SERPINE2: variants seen among roughly 807,000 people sequenced by gnomAD.
The protein encoded by SERPINE2 is serpin family E member 2.
SERPINE2 carries 14 observed loss-of-function variants against 36.3 expected under a neutral mutation model. The ratio of observed to expected loss-of-function variants is 0.39; its 90% CI spans 0.25 to 0.60. The LOEUF (loss-of-function observed/expected upper bound fraction) is 0.60. SERPINE2 is among the 20% of genes least tolerant of loss of function. The pLI, the probability that SERPINE2 is intolerant of heterozygous loss-of-function variation, is 0.57. For missense variants in SERPINE2, 418 were observed against 499.6 expected (o/e 0.84, Z 1.56); for synonymous variants, 192 against 191.8 (o/e 1.00, Z -0.01).
At chr2:224,023,192 T>A (rs960271339) in intron 1 of SERPINE2, among the ~76,000 whole-genome samples, 2 of 152,252 alleles carry the variant, frequency 1.3e-5, no homozygotes, top group African/African-American at 4.8e-5. Flanking sequence ...AAAGTCCTTA[T>A]TGGTCAGAGG....
chr2:223,995,860 C>T (rs1690866453), intron 3 of SERPINE2, among the ~76,000 whole-genome samples: 1 of 152,200 alleles, frequency 6.6e-6, no homozygotes, highest in African/African-American at 2.4e-5. Flanking sequence ...TTCTGAGACT[C>T]TGACTACTTT....
rs1002056915 is a variant in SERPINE2 at position 223,975,169 on chromosome 2, A to G, written c.*698T>C. 3 of 152,686 alleles carry G rather than the reference A, an allele frequency of 2.0e-5. No homozygotes were observed. The highest frequency in any genetic ancestry group is 1.9e-4 in the East Asian group (1 of 5,194). The allele number at this position is 152,686 out of a possible 1,614,324, so 9.5% of individuals were successfully genotyped here. On this transcript the variant is annotated 3_prime_UTR_variant, in exon 9 of 9. Coordinates refer to ENST00000409304, the MANE Select transcript of SERPINE2 (RefSeq NM_001136528.2). Reference sequence around the variant, plus strand: ...AGAAATAGCTTTATTTTTACTACTCATAACAGTTTATTTTTACTTTGTACA... The same window carrying G: ...AGAAATAGCTTTATTTTTACTACTCGTAACAGTTTATTTTTACTTTGTACA...
intron 4 of SERPINE2, among the ~76,000 whole-genome samples, chr2:223,990,408 C>T (rs1243266632): frequency 6.6e-6 from 1 of 152,098 alleles, no homozygotes; most frequent in Non-Finnish European, 1.5e-5. Context: ...CTGGGAATAG[C>T]CTGTTTACTC....
chr2:223,994,067 T>G (rs1005931560), intron 3 of SERPINE2, among the ~76,000 whole-genome samples: 1 of 152,218 alleles, frequency 6.6e-6, no homozygotes, highest in African/African-American at 2.4e-5. Flanking sequence ...TCCCCTGGAC[T>G]TCTAAATCTT....
chr2:224,023,141 A>C (rs1692068871), intron 1 of SERPINE2, among the ~76,000 whole-genome samples: 1 of 152,242 alleles, frequency 6.6e-6, no homozygotes, highest in African/African-American at 2.4e-5. Context: ...CAAGCCTCCT[A>C]TAACAAGTGG....
intron 1 of SERPINE2, among the ~76,000 whole-genome samples, chr2:224,019,388 C>A (rs1559216626): frequency 6.6e-6 from 1 of 152,174 alleles, no homozygotes; most frequent in South Asian, 2.1e-4. Flanking sequence ...CTTAGGCCAC[C>A]AATAAGGTGG....
At chr2:224,013,860 G>T (rs191780902) in intron 1 of SERPINE2, 4 of 152,210 alleles carry the variant, frequency 2.6e-5, no homozygotes, top group Non-Finnish European at 5.9e-5. Context: ...CACACCTTCC[G>T]CAGTGCTTGT....
intron 1 of SERPINE2, among the ~76,000 whole-genome samples, chr2:224,015,994 G>A (rs1691787131): frequency 6.6e-6 from 1 of 152,182 alleles, no homozygotes; most frequent in Non-Finnish European, 1.5e-5. Flanking sequence ...CATTAAAGAG[G>A]ATGTATAAAT....
chr2:223,982,581 G>A (rs1193242185), intron 6 of SERPINE2, 100 bp downstream of exon 6: 3 of 663,562 alleles, frequency 4.5e-6, no homozygotes, highest in Non-Finnish European at 7.5e-6. Flanking sequence ...ACAGTTTCAG[G>A]GCAACACATT....
At chr2:224,031,700 G>A (rs1005403429) in intron 1 of SERPINE2, among the ~76,000 whole-genome samples, 21 of 151,940 alleles carry the variant, frequency 1.4e-4, no homozygotes, top group East Asian at 3.9e-4. Context: ...TTGGTACAGC[G>A]AACAGCATGT....
chr2:223,993,200 A>G (rs1386746836), intron 3 of SERPINE2, among the ~76,000 whole-genome samples: 1 of 152,238 alleles, frequency 6.6e-6, no homozygotes, highest in Non-Finnish European at 1.5e-5. Flanking sequence ...CTAATTTTGA[A>G]GGAAAATGCT....
chr2:223,990,089 A>AG (rs148207922), intron 4 of SERPINE2, among the ~76,000 whole-genome samples: 2,109 of 152,140 alleles, frequency 0.014, 32 homozygotes, highest in African/African-American at 0.048. Flanking sequence ...TGACTCTGTA[A>AG]GGGGGGGCTT....
intron 8 of SERPINE2, among the ~76,000 whole-genome samples, chr2:223,976,396 C>G (rs1302964329): frequency 6.6e-6 from 1 of 152,188 alleles, no homozygotes; most frequent in Admixed American, 6.5e-5. Context: ...AGGTGATCCA[C>G]CCGCCTTGGC....
chr2:223,990,853 C>A (rs1470059133), intron 4 of SERPINE2, among the ~76,000 whole-genome samples: 1 of 152,120 alleles, frequency 6.6e-6, no homozygotes, highest in Admixed American at 6.5e-5. Flanking sequence ...TGGTGCATGC[C>A]TGTGATCCCA....
At chr2:224,018,871 C>A (rs991970224) in intron 1 of SERPINE2, among the ~76,000 whole-genome samples, 1 of 152,198 alleles carries the variant, frequency 6.6e-6, no homozygotes, top group East Asian at 1.9e-4. Context: ...CTCCTCTATC[C>A]CCAGCCCAAG....
At chr2:223,984,497 T>G (rs536388975) in intron 5 of SERPINE2, among the ~76,000 whole-genome samples, 1 of 152,252 alleles carries the variant, frequency 6.6e-6, no homozygotes, top group Non-Finnish European at 1.5e-5. Flanking sequence ...GAACTGCTTA[T>G]GCTCATGTGG....
rs1353749918 is a variant in SERPINE2, at chr2:224,038,795, G to A, written c.-23+304C>T. 11 of 462,502 alleles carry A rather than the reference G, an allele frequency of 2.4e-5. 1 individual carries two copies. In the South Asian group the frequency reaches 3.9e-4, roughly 16 times the overall value. The allele number at this position is 462,502 out of a possible 1,614,324, so 28.6% of individuals were successfully genotyped here. A position where few individuals can be genotyped will look rare whatever the true frequency, so the allele number is the denominator to read the frequency against. On this transcript the variant is annotated intron_variant, in intron 1 of 8. Coordinates refer to ENST00000409304, the MANE Select transcript of SERPINE2 (RefSeq NM_001136528.2). ...CGCCGGCCCCGGTGCTCCCAGCTGC[G>A]GGTATCACTGGACGCCACCCCGGGG...
At position 224,014,824 on chromosome 2, in the gene SERPINE2, T is replaced by C. The variant is rs374413977; in HGVS notation, c.-22-12902A>G. ...CCTTAATTTATCCTACAAATATTAA[T>C]GAAGCACCACAGTGCCAGGCCTGGC... On this transcript the variant is annotated intron_variant, in intron 1 of 8. Coordinates refer to ENST00000409304, the MANE Select transcript of SERPINE2 (RefSeq NM_001136528.2). 7.9e-5 allele frequency among the ~76,000 whole-genome samples: 12 copies of C among 152,246 alleles called. No individual in the cohort carries two copies. The East Asian group carries it at 1.9e-3, about 25-fold the overall frequency.
intron 1 of SERPINE2, among the ~76,000 whole-genome samples, chr2:224,021,038 C>T (rs1248785129): frequency 1.3e-5 from 2 of 152,126 alleles, no homozygotes; most frequent in Non-Finnish European, 2.9e-5. Flanking sequence ...CTCTACGGCC[C>T]AGAGAAAATT....
Sources: allele counts gnomAD v4.1 joint callset (sites outside exome capture counted in the v4.1 genomes callset), GRCh38; gene constraint gnomAD v4.1.1; transcripts MANE v1.5; gene names NCBI Gene and HGNC (gene_info 2026-07-23, HGNC 2026-07-21).